The following IFT74 variants were observed in gnomAD, a reference collection of about 807,000 sequenced individuals.
IFT74 encodes the protein intraflagellar transport 74.
Under a neutral mutation model 96.7 loss-of-function variants are expected in IFT74, and 92 were observed. The observed-to-expected ratio is 0.95, with a 90% CI of 0.80 to 1.13. IFT74 has a LOEUF of 1.13. Ranked by LOEUF, IFT74 falls within the 50% of genes most tolerant of loss-of-function variation. The pLI, the probability that IFT74 is intolerant of heterozygous loss-of-function variation, is 0.00. For synonymous variants in IFT74, 223 were observed against 213.2 expected (o/e 1.05, Z -0.40); for missense variants, 811 against 698.2 (o/e 1.16, Z -1.82).
intron 13 of IFT74, among the ~76,000 whole-genome samples, chr9:27,040,054 A>T (rs937668211): frequency 1.3e-5 from 2 of 152,234 alleles, no homozygotes; most frequent in Admixed American, 1.3e-4. Flanking sequence ...AGATAACTCA[A>T]TATGAATTAA....
chr9:26,982,810 T>C (rs1827444281), intron 4 of IFT74, among the ~76,000 whole-genome samples: 1 of 152,152 alleles, frequency 6.6e-6, no homozygotes, highest in African/African-American at 2.4e-5. Flanking sequence ...CAGGCTAGTC[T>C]TGAACTCCTG....
intron 13 of IFT74, among the ~76,000 whole-genome samples, chr9:27,038,348 T>C (rs1819299545): frequency 6.6e-6 from 1 of 152,154 alleles, no homozygotes; most frequent in Non-Finnish European, 1.5e-5. Flanking sequence ...CTGCAACCTC[T>C]GCCTCCTGGG....
intron 10 of IFT74, among the ~76,000 whole-genome samples, chr9:27,012,484 C>T (rs116326252): frequency 0.013 from 1,937 of 152,140 alleles, 39 homozygotes; most frequent in African/African-American, 0.045. Flanking sequence ...TCCCAATGTG[C>T]TGGGATTACA....
Position 27,064,244 on chromosome 9 carries a change from G to T in IFT74, c.*1508G>T, listed in dbSNP as rs1184246365. Among the ~76,000 whole-genome samples the T allele has an allele frequency of 6.6e-6, 1 of 151,978 alleles. No homozygotes were observed. The highest frequency in any genetic ancestry group is 2.4e-5 in the African/African-American group (1 of 41,384). The stretch of plus-strand genomic sequence containing the variant: ...TTCATCTACTCAAGTCCTCTGGGTG[G>T]CTCTATGGCCTTTTTCAGATGACTC... On this transcript the variant is annotated 3_prime_UTR_variant, in exon 20 of 20. Coordinates refer to ENST00000380062, the MANE Select transcript of IFT74 (RefSeq NM_025103.4).
intron 12 of IFT74, 89 bp from the exon 13 acceptor site, chr9:27,028,936 A>G: frequency 8.5e-7 from 1 of 1,180,326 alleles, no homozygotes; most frequent in African/African-American, 1.6e-5. Context: ...TGTTTATGCA[A>G]CTTGGAAAAG....
At chr9:27,019,605 C>T (rs1249445836) in intron 12 of IFT74, among the ~76,000 whole-genome samples, 1 of 149,162 alleles carries the variant, frequency 6.7e-6, no homozygotes, top group Non-Finnish European at 1.5e-5. Flanking sequence ...CTAATACATG[C>T]TTAGTATTTT....
chr9:27,008,661 CTTAT>C (rs1444613900), intron 8 of IFT74, among the ~76,000 whole-genome samples: 1 of 152,058 alleles, frequency 6.6e-6, no homozygotes, highest in Non-Finnish European at 1.5e-5. Context: ...AGCGCAGCCT[CTTAT>C]TTGTCTTTTG....
intron 13 of IFT74, among the ~76,000 whole-genome samples, chr9:27,030,913 C>G (rs1830093200): frequency 6.6e-6 from 1 of 152,192 alleles, no homozygotes; most frequent in Admixed American, 6.5e-5. Context: ...TATATTTTCA[C>G]TCAACATGGG....
At chr9:27,007,920 A>G (rs1828870893) in intron 8 of IFT74, among the ~76,000 whole-genome samples, 1 of 152,202 alleles carries the variant, frequency 6.6e-6, no homozygotes, top group South Asian at 2.1e-4. Flanking sequence ...TTCTTTTTTC[A>G]GAGTTTTTCT....
At chr9:26,960,112 G>C (rs767137365) in intron 1 of IFT74, among the ~76,000 whole-genome samples, 1 of 152,116 alleles carries the variant, frequency 6.6e-6, no homozygotes, top group Non-Finnish European at 1.5e-5. Context: ...GGACATTTCA[G>C]TTTTCATCTT....
intron 8 of IFT74, among the ~76,000 whole-genome samples, chr9:26,999,885 A>G (rs1007888626): frequency 2.7e-5 from 4 of 149,850 alleles, no homozygotes; most frequent in Non-Finnish European, 5.9e-5. Flanking sequence ...AGTCCTCCCA[A>G]CTCAGCTTCC....
chr9:27,018,547 G>C, intron 11 of IFT74, 100 bp from the exon 12 acceptor site: 4 of 538,898 alleles, frequency 7.4e-6, no homozygotes, highest in East Asian at 3.1e-5. Flanking sequence ...GAGTAGATTT[G>C]ACACTTTAGT....
At chr9:27,018,848 A>G (rs752265558) in intron 12 of IFT74, among the ~76,000 whole-genome samples, 161 bp downstream of exon 12, 1 of 152,180 alleles carries the variant, frequency 6.6e-6, no homozygotes. Context: ...TTTTATAAGT[A>G]TCTTTATTAA....
At chr9:26,994,091 A>T (rs1828015875) in intron 8 of IFT74, 1 of 152,224 alleles carries the variant, frequency 6.6e-6, no homozygotes, top group African/African-American at 2.4e-5. Flanking sequence ...TTTCCAAACT[A>T]CGTTCTTTGG....
intron 4 of IFT74, among the ~76,000 whole-genome samples, chr9:26,982,809 C>G (rs1283267140): frequency 6.6e-6 from 1 of 152,088 alleles, no homozygotes; most frequent in Non-Finnish European, 1.5e-5. Context: ...CCAGGCTAGT[C>G]TTGAACTCCT....
At chr9:27,048,561 C>T (rs1467011491) in intron 16 of IFT74, among the ~76,000 whole-genome samples, 1 of 152,108 alleles carries the variant, frequency 6.6e-6, no homozygotes, top group Non-Finnish European at 1.5e-5. Flanking sequence ...AGATTTTAGT[C>T]AGTAATACAG....
rs1828937095 is a variant in IFT74 at position 27,009,262 on chromosome 9, T to G, written c.726+104T>G. 3 of 966,946 alleles carry G rather than the reference T, an allele frequency of 3.1e-6. No individual in the cohort carries two copies. In the Admixed American group the frequency reaches 7.4e-5, roughly 24 times the overall value. The allele number at this position is 966,946 out of a possible 1,614,324, so 59.9% of individuals were successfully genotyped here. A position where few individuals can be genotyped will look rare whatever the true frequency, so the allele number is the denominator to read the frequency against. ...GCATCCCCTGAGAACTTGACTATAC[T>G]TTGAGATCAGTTTTCATTTTAACAA... On this transcript the variant is annotated intron_variant, in intron 9 of 19. Transcript: ENST00000380062.
intron 12 of IFT74, among the ~76,000 whole-genome samples, chr9:27,026,881 A>C (rs990628967): frequency 6.6e-6 from 1 of 152,194 alleles, no homozygotes; most frequent in Non-Finnish European, 1.5e-5. Context: ...CTGAAAGAAC[A>C]CAAATAGACA....
intron 1 of IFT74, among the ~76,000 whole-genome samples, chr9:26,956,746 A>G (rs982815705): frequency 2.3e-4 from 35 of 152,200 alleles, no homozygotes; most frequent in Non-Finnish European, 5.0e-4. Context: ...GAGACCCGCC[A>G]AGCACAGAGC....
Sources: allele counts gnomAD v4.1 joint callset (sites outside exome capture counted in the v4.1 genomes callset), GRCh38; gene constraint gnomAD v4.1.1; transcripts MANE v1.5; gene names NCBI Gene and HGNC (gene_info 2026-07-23, HGNC 2026-07-21).